The following HFM1 variants were observed in gnomAD, a reference collection of about 807,000 sequenced individuals.
The protein encoded by HFM1 is probable ATP-dependent DNA helicase HFM1.
Under a neutral mutation model 192.1 loss-of-function variants are expected in HFM1, and 169 were observed. The ratio of observed to expected loss-of-function variants is 0.88; its 90% confidence interval spans 0.78 to 1.00. HFM1 has a LOEUF of 1.00. Ranked by LOEUF, HFM1 falls within the 50% of genes least tolerant of loss-of-function variation. The pLI, the probability that HFM1 is intolerant of heterozygous loss-of-function variation, is 0.00. For synonymous variants in HFM1, 525 were observed against 537.8 expected (o/e 0.98, Z 0.33); for missense variants, 1,661 against 1,668.0 (o/e 1.00, Z 0.07).
At chr1:91,283,814 G>C (rs542202187) in intron 30 of HFM1, among the ~76,000 whole-genome samples, 5 of 152,018 alleles carry the variant, frequency 3.3e-5, no homozygotes, top group Non-Finnish European at 7.4e-5. Context: ...AAGAAGTCCA[G>C]ACAATAAATA....
rs368125946 is a variant in HFM1 at position 91,364,795 on chromosome 1, G to A, written c.1685+10563C>T. Reference sequence around the variant, plus strand: ...ACTACAGGCACCAGCCACCACGCCCGGCTAATTTTTTGTATTTTTAGTAGA... The same window carrying A: ...ACTACAGGCACCAGCCACCACGCCCAGCTAATTTTTTGTATTTTTAGTAGA... On this transcript the variant is annotated intron_variant, in intron 13 of 38. Coordinates refer to ENST00000370425, the MANE Select transcript of HFM1 (RefSeq NM_001017975.6). Among the ~76,000 whole-genome samples, 17 of 150,998 alleles carry A rather than the reference G, an allele frequency of 1.1e-4. No homozygotes were observed. The South Asian group carries it at 1.5e-3, about 13-fold the overall frequency.
At chr1:91,407,309 A>G (rs1013206616), upstream of HFM1, among the ~76,000 whole-genome samples, 4 of 152,116 alleles carry the variant, frequency 2.6e-5, no homozygotes, top group African/African-American at 9.7e-5. Context: ...ATATCTATGT[A>G]ACAAACCTGC....
chr1:91,406,291 C>T (rs1664808871), upstream of HFM1, among the ~76,000 whole-genome samples: 1 of 152,170 alleles, frequency 6.6e-6, no homozygotes, highest in South Asian at 2.1e-4. Context: ...GTTATAGCAG[C>T]TTGAACTAAG....
intron 4 of HFM1, among the ~76,000 whole-genome samples, chr1:91,392,311 G>A (rs577426264): frequency 3.9e-5 from 6 of 152,234 alleles, no homozygotes; most frequent in Admixed American, 2.6e-4. Context: ...TGTTTATTGC[G>A]GCACTATTCG....
rs568538044 is a variant in HFM1, at chr1:91,329,391, C to T, written c.2336-4625G>A. The T allele has an allele frequency of 2.9e-4, 455 of 1,583,252 alleles. 5 individuals carry two copies. In the Middle Eastern group the frequency reaches 4.7e-3, roughly 16 times the overall value. ...GAGTCATTAAGGCAGCACCCAGGGCCGCCTGGATGATTTCTTCAAGGTGAC... is the reference window on the plus strand; with the variant it reads ...GAGTCATTAAGGCAGCACCCAGGGCTGCCTGGATGATTTCTTCAAGGTGAC... On this transcript the variant is annotated intron_variant, in intron 20 of 38. Coordinates refer to ENST00000370425, the MANE Select transcript of HFM1 (RefSeq NM_001017975.6).
intron 2 of HFM1, 86 bp from the exon 3 acceptor site, chr1:91,396,491 G>A: frequency 1.5e-6 from 1 of 667,064 alleles, no homozygotes; most frequent in Non-Finnish European, 2.5e-6. Context: ...TACTCAATTG[G>A]ACTCTTAAAC....
rs1349487570 is a variant in HFM1 at position 91,404,820 on chromosome 1, C to G, written c.-50G>C. The G allele has an allele frequency of 8.8e-6, 4 of 455,588 alleles. No individual in the cohort carries two copies. Among genetic ancestry groups the G allele is most frequent in the Non-Finnish European group, 1.3e-5 (3 of 226,688 alleles). The allele number at this position is 455,588 out of a possible 1,614,324, so 28.2% of individuals were successfully genotyped here. A position where few individuals can be genotyped will look rare whatever the true frequency, so the allele number is the denominator to read the frequency against. ...CACCTCCCTGCGGACAGCTCCTAGG[C>G]CAGTCGAGCGCCGATTTATCAGCCC... is the stretch of plus-strand genomic sequence containing the variant. On this transcript the variant is annotated 5_prime_UTR_variant, in exon 1 of 39. Coordinates refer to ENST00000370425, the MANE Select transcript of HFM1 (RefSeq NM_001017975.6).
rs115349483 is a variant in HFM1, at chr1:91,265,956, C to T, written c.3974+61G>A. On this transcript the variant is annotated intron_variant, in intron 36 of 38. Transcript: ENST00000370425. ...CATCTAATAACTTGATCCCCATCTCCAACTATGTGTCAAGGGGATATAAAG... is the reference window on the plus strand; with the variant it reads ...CATCTAATAACTTGATCCCCATCTCTAACTATGTGTCAAGGGGATATAAAG... The T allele has an allele frequency of 1.3e-3, 2,106 of 1,561,164 alleles. 32 individuals are homozygous for T. In the African/African-American group the frequency reaches 0.026, roughly 19 times the overall value.
At chr1:91,292,038 G>A (rs2100940970) in intron 30 of HFM1, among the ~76,000 whole-genome samples, 1 of 152,206 alleles carries the variant, frequency 6.6e-6, no homozygotes, top group Middle Eastern at 3.4e-3. Flanking sequence ...ATTAGGTATT[G>A]ATGGGACGTA....
At chr1:91,381,026 ATTAG>A (rs1399060231) in intron 6 of HFM1, 44 bp from the exon 7 acceptor site, 2 of 784,042 alleles carry the variant, frequency 2.6e-6, no homozygotes, top group African/African-American at 6.6e-5. Flanking sequence ...AATTTAAAAA[ATTAG>A]TTACTTTTAT....
At chr1:91,332,061 A>G (rs1005634469) in intron 20 of HFM1, among the ~76,000 whole-genome samples, 1 of 152,230 alleles carries the variant, frequency 6.6e-6, no homozygotes, top group Non-Finnish European at 1.5e-5. Context: ...TGCAATCCCT[A>G]TCAAAATACC....
chr1:91,364,380 G>T (rs993107137), intron 13 of HFM1, among the ~76,000 whole-genome samples: 3 of 151,578 alleles, frequency 2.0e-5, no homozygotes, highest in African/African-American at 7.3e-5. Context: ...AAATAGTATT[G>T]AGATTTCTAA....
chr1:91,351,465 C>T, intron 17 of HFM1, 84 bp downstream of exon 17: 6 of 748,768 alleles, frequency 8.0e-6, no homozygotes, highest in Non-Finnish European at 1.3e-5. Context: ...AATCTCCAAA[C>T]CAAATTTCCC....
At position 91,352,610 on chromosome 1, in the gene HFM1, G is replaced by A. The variant is rs781314917; in HGVS notation, c.1873C>T (p.His625Tyr). 1 of 1,608,534 alleles carries A rather than the reference G, an allele frequency of 6.2e-7. No homozygotes were observed. The highest frequency in any genetic ancestry group is 8.5e-7 in the Non-Finnish European group (1 of 1,176,796). The change falls in exon 16 of 39, where the codon CAC becomes TAC. Residue 625 changes from histidine (H) to tyrosine (Y), a missense_variant. Coordinates refer to ENST00000370425, the MANE Select transcript of HFM1 (RefSeq NM_001017975.6). ...ATTGTAGATTTTATAACTACTAGGTGAGCAGGCAAATTTACTCCCATAGCT... is the reference window on the plus strand; with the variant it reads ...ATTGTAGATTTTATAACTACTAGGTAAGCAGGCAAATTTACTCCCATAGCT... ...TLAMGVNLPA[H>Y]LVVIKSTMHY...
chr1:91,286,916 T>C (rs1399608300), intron 30 of HFM1, among the ~76,000 whole-genome samples: 1 of 151,912 alleles, frequency 6.6e-6, no homozygotes, highest in South Asian at 2.1e-4. Flanking sequence ...ACCTGGAAAA[T>C]TGGGTCACTC....
At chr1:91,355,959 C>T (rs1447735230) in intron 13 of HFM1, among the ~76,000 whole-genome samples, 3 of 152,108 alleles carry the variant, frequency 2.0e-5, no homozygotes, top group African/African-American at 4.8e-5. Flanking sequence ...ACAGATCATA[C>T]ATTAAGCCAC....
Position 91,265,389 on chromosome 1 carries a change from A to G in HFM1, c.3974+628T>C, listed in dbSNP as rs72962568. On this transcript the variant is annotated intron_variant, in intron 36 of 38. Transcript: ENST00000370425. Reference sequence around the variant, plus strand: ...TCTTGAAAAGTCAGAATATTTTATAACACTAGACTCACATTGCCTGCACAG... The same window carrying G: ...TCTTGAAAAGTCAGAATATTTTATAGCACTAGACTCACATTGCCTGCACAG... Among the ~76,000 whole-genome samples, 1,217 of 152,334 alleles carry G rather than the reference A, an allele frequency of 8.0e-3. 21 individuals carry two copies. The highest frequency in any genetic ancestry group is 0.028 in the African/African-American group (1,148 of 41,572).
rs771378791 is a variant in HFM1, at chr1:91,274,797, T to C, written c.3601A>G (p.Lys1201Glu). Residue 1201 changes from lysine to glutamate, a missense_variant, in exon 33 of 39, where the codon AAA becomes GAA. Coordinates refer to ENST00000370425, the MANE Select transcript of HFM1 (RefSeq NM_001017975.6). ...TCTTTAAGGTCCACACTTTGAGATT[T>C]ATTCATCTGTATCTATTAATGAAAC... ...PVKRLKIQMN[K>E]SQSVDLKEFG... The C allele has an allele frequency of 1.4e-5, 22 of 1,552,116 alleles. No individual in the cohort carries two copies. The African/African-American group carries it at 3.0e-4, about 21-fold the overall frequency.
chr1:91,329,260 A>T lies in HFM1; in HGVS notation c.2336-4494T>A, dbSNP rs1224140524. On this transcript the variant is annotated intron_variant, in intron 20 of 38. Coordinates refer to ENST00000370425, the MANE Select transcript of HFM1 (RefSeq NM_001017975.6). The stretch of plus-strand genomic sequence containing the variant: ...GAGGTGCTGGGCCCAGAGTCTGTGG[A>T]GCTGAAGTGGAGCGAGCCAAATGAA... The T allele has an allele frequency of 1.9e-6, 3 of 1,609,578 alleles. No individual in the cohort carries two copies. The African/African-American group carries it at 4.0e-5, about 22-fold the overall frequency.
Sources: gnomAD v4.1 joint callset for allele counts (sites outside exome capture counted in the v4.1 genomes callset) on GRCh38, gnomAD v4.1.1 for gene constraint, MANE v1.5 for transcripts, NCBI Gene and HGNC (gene_info 2026-07-23, HGNC 2026-07-21) for gene names.